Variants in GALNT11 observed in about 807,000 individuals in gnomAD.
The protein encoded by GALNT11 is UDP-GalNAc:polypeptide N-acetylgalactosaminyltransferase 11.
A neutral mutation model predicts 72.7 loss-of-function variants in GALNT11; 47 were observed. The ratio of observed to expected loss-of-function variants is 0.65; its 90% CI spans 0.51 to 0.82. The LOEUF is 0.82. GALNT11 is among the 40% of genes least tolerant of loss of function. The pLI is 0.00. For synonymous variants in GALNT11, 270 were observed against 286.6 expected (o/e 0.94, Z 0.58); for missense variants, 677 against 778.4 (o/e 0.87, Z 1.55).
chr7:152,101,962 T>G (rs976072757), intron 3 of GALNT11, among the ~76,000 whole-genome samples: 2 of 152,162 alleles, frequency 1.3e-5, no homozygotes, highest in Admixed American at 1.3e-4. Context: ...TGCTTAAAGC[T>G]CCTAACCCTT....
chr7:152,083,494 C>T (rs1462319991), intron 1 of GALNT11, among the ~76,000 whole-genome samples: 1 of 152,056 alleles, frequency 6.6e-6, no homozygotes, highest in Non-Finnish European at 1.5e-5. Flanking sequence ...TATTAGATTT[C>T]TAAATTTCTA....
At chr7:152,117,560 G>T (rs965963355) in intron 9 of GALNT11, 185 bp downstream of exon 9, 140 of 632,836 alleles carry the variant, frequency 2.2e-4, no homozygotes, top group South Asian at 7.9e-4. Flanking sequence ...CTCAAGTGTA[G>T]ATCCTTGCCT....
chr7:152,064,768 G>A (rs1282788175), intron 1 of GALNT11, among the ~76,000 whole-genome samples: 2 of 152,194 alleles, frequency 1.3e-5, no homozygotes, highest in Non-Finnish European at 2.9e-5. Context: ...CTTTAAGAAC[G>A]TTGAATATGG....
At chr7:152,118,471 A>G (rs1375542263) in intron 9 of GALNT11, 7 of 497,142 alleles carry the variant, frequency 1.4e-5, no homozygotes, top group Non-Finnish European at 2.5e-5. Flanking sequence ...AAAACTGCTA[A>G]TAACTTTTGG....
At chr7:152,119,136 C>T (rs142210315) in intron 10 of GALNT11, 79 of 164,062 alleles carry the variant, frequency 4.8e-4, no homozygotes, top group African/African-American at 1.8e-3. Context: ...TTGTTTACAC[C>T]ATTATTTGTA....
intron 6 of GALNT11, among the ~76,000 whole-genome samples, chr7:152,110,297 T>C (rs899145977): frequency 6.6e-6 from 1 of 152,210 alleles, no homozygotes. Flanking sequence ...AAAAGAACTT[T>C]CGAGACTTAG....
rs1488208220 is a variant in GALNT11 at position 152,068,763 on chromosome 7, C to G, written c.-38-25427C>G. ...AGCTTTTGGTTTTGTTAATTTTTCT[C>G]TTACTGTTTTCCTTTTTCCAATTTC... On this transcript the variant is annotated intron_variant, in intron 1 of 11. Transcript: ENST00000430044. 1.8e-4 allele frequency among the ~76,000 whole-genome samples: 27 copies of G among 151,864 alleles called. 1 individual carries two copies. Among genetic ancestry groups the G allele is most frequent in the Non-Finnish European group, 3.5e-4 (24 of 67,900 alleles).
At chr7:152,051,199 G>GTTTTT (rs35668155) in intron 1 of GALNT11, among the ~76,000 whole-genome samples, 10 of 46,818 alleles carry the variant, frequency 2.1e-4, no homozygotes, top group Non-Finnish European at 4.4e-4. Context: ...ATATCTGGTT[G>GTTTTT]TTTTTTTTTT....
At chr7:152,119,074 G>A (rs964971176) in intron 10 of GALNT11, 18 of 226,664 alleles carry the variant, frequency 7.9e-5, no homozygotes, top group Middle Eastern at 1.3e-3. Flanking sequence ...AGCTACTTTC[G>A]TCTCCTTTGT....
chr7:152,081,805 A>G (rs1432701423), intron 1 of GALNT11, among the ~76,000 whole-genome samples: 3 of 152,148 alleles, frequency 2.0e-5, no homozygotes, highest in Non-Finnish European at 2.9e-5. Flanking sequence ...CCTTTGTTTT[A>G]TAATATAGGC....
chr7:152,117,927 G>A (rs2089041821), intron 9 of GALNT11: 1 of 153,172 alleles, frequency 6.5e-6, no homozygotes, highest in Non-Finnish European at 1.5e-5. Flanking sequence ...GTAGGGGTCC[G>A]GCCATAAAAT....
At chr7:152,119,730 G>T (rs1372520697) in intron 10 of GALNT11, 1 of 152,204 alleles carries the variant, frequency 6.6e-6, no homozygotes, top group African/African-American at 2.4e-5. Context: ...AAAAAAATTA[G>T]CTGGGTGTGG....
In GALNT11 at chr7:152,105,398, C is replaced by A. The variant is rs375185352; in HGVS notation, c.712+28C>A. The A allele has an allele frequency of 7.1e-5, 114 of 1,603,220 alleles. 1 individual carries two copies. The highest frequency in any genetic ancestry group is 8.9e-5 in the Non-Finnish European group (104 of 1,175,024). On this transcript the variant is annotated intron_variant, in intron 5 of 11. Transcript: ENST00000430044. ...ATCACTTCTCGTTAGCTTTGCTCTA[C>A]AGGTGTTGGATGACAAGGGCTCGAG...
At chr7:152,054,009 A>T (rs191748913) in intron 1 of GALNT11, among the ~76,000 whole-genome samples, 10 of 152,188 alleles carry the variant, frequency 6.6e-5, no homozygotes, top group Admixed American at 3.9e-4. Flanking sequence ...GACTTTTCCA[A>T]TGTATTTCCT....
chr7:152,036,459 A>G (rs924175686), intron 1 of GALNT11, among the ~76,000 whole-genome samples: 5 of 152,250 alleles, frequency 3.3e-5, no homozygotes, highest in Admixed American at 2.6e-4. Flanking sequence ...TCCATTGTGT[A>G]TATGTACCAT....
At chr7:152,061,819 G>C (rs1405743309) in intron 1 of GALNT11, among the ~76,000 whole-genome samples, 1 of 152,114 alleles carries the variant, frequency 6.6e-6, no homozygotes, top group Non-Finnish European at 1.5e-5. Flanking sequence ...GCTTTGTTCT[G>C]TTCCATTGGT....
chr7:152,032,541 G>A (rs1294177785), intron 1 of GALNT11, among the ~76,000 whole-genome samples: 1 of 152,198 alleles, frequency 6.6e-6, no homozygotes, highest in African/African-American at 2.4e-5. Flanking sequence ...GTGTTGCAGG[G>A]ACTGCTGCAT....
At chr7:152,069,083 C>A (rs1242660788) in intron 1 of GALNT11, among the ~76,000 whole-genome samples, 1 of 152,136 alleles carries the variant, frequency 6.6e-6, no homozygotes, top group Admixed American at 6.5e-5. Context: ...TAATGCTGCA[C>A]GTTTTTCTCT....
chr7:152,073,344 G>A (rs2084774468), intron 1 of GALNT11, among the ~76,000 whole-genome samples: 1 of 152,028 alleles, frequency 6.6e-6, no homozygotes, highest in South Asian at 2.1e-4. Context: ...CCTCTGTTCT[G>A]ATTTTTCTGT....
Sources: allele counts gnomAD v4.1 joint callset (sites outside exome capture counted in the v4.1 genomes callset), GRCh38; gene constraint gnomAD v4.1.1; transcripts MANE v1.5; gene names NCBI Gene and HGNC (gene_info 2026-07-23, HGNC 2026-07-21).